The following PLEKHA7 variants were observed in gnomAD, a reference collection of about 807,000 sequenced individuals.
PLEKHA7 encodes pleckstrin homology domain-containing family A member 7.
A neutral mutation model predicts 170.0 loss-of-function variants in PLEKHA7; 104 were observed. The observed-to-expected ratio is 0.61, with a 90% confidence interval of 0.52 to 0.72. The LOEUF (loss-of-function observed/expected upper bound fraction) is 0.72, where lower values mean the gene tolerates loss of function less well. Among genes scored for constraint, PLEKHA7 ranks in the 30% least tolerant of loss-of-function variants. PLEKHA7 has a pLI of 0.00. For missense variants in PLEKHA7, 1,615 were observed against 1,671.7 expected (o/e 0.97, Z 0.59); for synonymous variants, 648 against 660.8 (o/e 0.98, Z 0.30).
intron 3 of PLEKHA7, among the ~76,000 whole-genome samples, chr11:17,005,531 C>T (rs1291307878): frequency 1.3e-5 from 2 of 151,422 alleles, no homozygotes; most frequent in Non-Finnish European, 2.9e-5. Context: ...AACTCTGTCT[C>T]AAAACAAAAA....
intron 3 of PLEKHA7, chr11:17,013,482 T>A (rs1865445839): frequency 6.5e-6 from 1 of 152,946 alleles, no homozygotes; most frequent in Non-Finnish European, 1.5e-5. Context: ...GGGGGCGAGG[T>A]TCCGACTCTC....
Position 16,833,234 on chromosome 11 carries a change from C to G in PLEKHA7, c.873-6644G>C, listed in dbSNP as rs539429845. Among the ~76,000 whole-genome samples the G allele has an allele frequency of 1.7e-4, 26 of 152,238 alleles. 1 individual carries two copies. The South Asian group carries it at 5.2e-3, about 30-fold the overall frequency. Reference sequence around the variant, plus strand: ...ACACCCTCCACAATCCTTCAGGCCTCCCTCCCACAGAGAAGAGCGAGGCTG... The same window carrying G: ...ACACCCTCCACAATCCTTCAGGCCTGCCTCCCACAGAGAAGAGCGAGGCTG... On this transcript the variant is annotated intron_variant, in intron 9 of 26. Coordinates refer to ENST00000531066, the MANE Select transcript of PLEKHA7 (RefSeq NM_001329630.2).
At chr11:16,783,569 T>A in intron 25 of PLEKHA7, 131 bp downstream of exon 25, 1 of 1,026,382 alleles carries the variant, frequency 9.7e-7, no homozygotes, top group Non-Finnish European at 1.3e-6. Flanking sequence ...CCCCCTCCAA[T>A]GAGTAGGGCT....
intron 3 of PLEKHA7, among the ~76,000 whole-genome samples, chr11:16,919,145 C>T (rs1231970685): frequency 6.6e-6 from 1 of 152,084 alleles, no homozygotes; most frequent in Non-Finnish European, 1.5e-5. Flanking sequence ...ACCTGGGAGG[C>T]GGAGGTTGCA....
At chr11:16,861,432 C>G (rs1590374014) in intron 4 of PLEKHA7, among the ~76,000 whole-genome samples, 1 of 151,810 alleles carries the variant, frequency 6.6e-6, no homozygotes, top group African/African-American at 2.4e-5. Flanking sequence ...GCAAGCGGAT[C>G]GCTTGAGCTA....
intron 8 of PLEKHA7, among the ~76,000 whole-genome samples, chr11:16,845,500 T>C (rs192743663): frequency 2.9e-4 from 44 of 152,248 alleles, no homozygotes; most frequent in Non-Finnish European, 5.7e-4. Flanking sequence ...CTGAGTAGCC[T>C]GGACTACAGG....
chr11:16,814,811 T>C (rs1274420044), intron 12 of PLEKHA7, among the ~76,000 whole-genome samples: 1 of 152,212 alleles, frequency 6.6e-6, no homozygotes, highest in East Asian at 1.9e-4. Flanking sequence ...GCGCCCTGCA[T>C]CTCCCTCCAG....
chr11:16,954,439 C>T (rs1021742426), intron 3 of PLEKHA7, among the ~76,000 whole-genome samples: 2 of 151,612 alleles, frequency 1.3e-5, no homozygotes, highest in Non-Finnish European at 1.5e-5. Flanking sequence ...GAGGTTGAGA[C>T]AGGAGGACTG....
In PLEKHA7 at chr11:17,014,338, C is replaced by G; in HGVS notation, c.64G>C (p.Asp22His). ...CACTTGATGAAGAAGACGCGGCCATCCCGGCACACCCCGTAGGACCAATGC... is the reference window on the plus strand; with the variant it reads ...CACTTGATGAAGAAGACGCGGCCATGCCGGCACACCCCGTAGGACCAATGC... ...PEHWSYGVCRDGRVFFINDQL... is the reference protein window; with the variant it reads ...PEHWSYGVCRHGRVFFINDQL... Residue 22 changes from aspartate to histidine, a missense_variant, in exon 1 of 27, where the codon GAT becomes CAT. By Grantham distance (81) the Asp-to-His change is moderately conservative. Transcript: ENST00000531066. 2.1e-6 allele frequency: 3 copies of G among 1,450,136 alleles called. No individual in the cohort carries two copies. The highest frequency in any genetic ancestry group is 2.5e-5 in the Admixed American group (1 of 39,560). The allele number at this position is 1,450,136 out of a possible 1,614,324, so 89.8% of individuals were successfully genotyped here.
chr11:16,943,330 C>G (rs972897701), intron 3 of PLEKHA7, among the ~76,000 whole-genome samples: 1 of 151,934 alleles, frequency 6.6e-6, no homozygotes. Context: ...TTAACCCAGA[C>G]TAGCTGAATT....
At chr11:16,813,284 G>C (rs1849510557) in intron 12 of PLEKHA7, 118 bp from the exon 13 acceptor site, 1 of 764,504 alleles carries the variant, frequency 1.3e-6, no homozygotes, top group Non-Finnish European at 2.2e-6. Flanking sequence ...AACCACAGCA[G>C]ACCAACACAT....
intron 3 of PLEKHA7, among the ~76,000 whole-genome samples, chr11:16,992,763 A>C (rs1024051771): frequency 3.9e-5 from 6 of 151,962 alleles, no homozygotes; most frequent in Non-Finnish European, 7.4e-5. Context: ...CTCAAAAAAA[A>C]AAAAAAAAAA....
At position 16,922,299 on chromosome 11, in the gene PLEKHA7, C is replaced by A. The variant is rs1590625088; in HGVS notation, c.222-51117G>T. ...TCAATTGGTAAGTACTGCATTAAAT[C>A]CTTTACAATCATCTCATACAATTCT... is the stretch of plus-strand genomic sequence containing the variant. On this transcript the variant is annotated intron_variant, in intron 3 of 26. Transcript: ENST00000531066. 2.0e-5 allele frequency among the ~76,000 whole-genome samples: 3 copies of A among 152,140 alleles called. No homozygotes were observed. The East Asian group carries it at 5.8e-4, about 29-fold the overall frequency.
intron 8 of PLEKHA7, among the ~76,000 whole-genome samples, chr11:16,845,089 A>G (rs1448068108): frequency 6.6e-6 from 1 of 152,198 alleles, no homozygotes; most frequent in African/African-American, 2.4e-5. Flanking sequence ...AGGAATTGAC[A>G]TTGCAGCTGC....
chr11:16,839,101 C>G (rs532896077), intron 9 of PLEKHA7, among the ~76,000 whole-genome samples: 21 of 152,126 alleles, frequency 1.4e-4, no homozygotes, highest in Non-Finnish European at 2.6e-4. Context: ...AAGGTTAATA[C>G]AAAAATTTTA....
chr11:17,001,923 T>TG (rs368669718), intron 3 of PLEKHA7, among the ~76,000 whole-genome samples: 106 of 152,312 alleles, frequency 7.0e-4, no homozygotes, highest in African/African-American at 2.4e-3. Flanking sequence ...CTGAGAAAAT[T>TG]GGCTGTGATA....
In PLEKHA7 at chr11:16,950,347, A is replaced by G. The variant is rs977028975; in HGVS notation, c.221+63642T>C. 2.6e-5 allele frequency among the ~76,000 whole-genome samples: 4 copies of G among 152,300 alleles called. 1 individual carries two copies. The Middle Eastern group carries it at 0.01, about 389-fold the overall frequency. On this transcript the variant is annotated intron_variant, in intron 3 of 26. Transcript: ENST00000531066. ...AGAGCAATGATGGAAAGAGATCCCA[A>G]TCAGGAAGTTTCAGGGATCCCAGTT...
At chr11:16,990,216 G>A (rs560106232) in intron 3 of PLEKHA7, among the ~76,000 whole-genome samples, 1 of 144,160 alleles carries the variant, frequency 6.9e-6, no homozygotes, top group East Asian at 2.1e-4. Flanking sequence ...CTCTCTTGCA[G>A]TGAGCTGAGA....
intron 9 of PLEKHA7, among the ~76,000 whole-genome samples, chr11:16,839,008 G>A (rs890806706): frequency 1.3e-5 from 2 of 152,120 alleles, no homozygotes; most frequent in African/African-American, 4.8e-5. Context: ...TTAAAGGGCA[G>A]TTTGGAGGTA....
Sources: allele counts gnomAD v4.1 joint callset (sites outside exome capture counted in the v4.1 genomes callset), GRCh38; gene constraint gnomAD v4.1.1; transcripts MANE v1.5; gene names NCBI Gene and HGNC (gene_info 2026-07-23, HGNC 2026-07-21).